Variants in AKR1C3 observed in about 807,000 individuals in gnomAD.
The protein encoded by AKR1C3 is aldo-keto reductase family 1 member C3.
AKR1C3 carries 48 observed loss-of-function variants against 43.6 expected under a neutral mutation model. The ratio of observed to expected loss-of-function variants is 1.10; its 90% CI spans 0.87 to 1.40. The LOEUF (loss-of-function observed/expected upper bound fraction) is 1.40. Ranked by LOEUF, AKR1C3 falls within the 40% of genes most tolerant of loss-of-function variation. The pLI, the probability that AKR1C3 is intolerant of heterozygous loss-of-function variation, is 0.00. For synonymous variants in AKR1C3, 162 were observed against 139.6 expected, an observed-to-expected ratio of 1.16 and a Z score of -1.13; for missense variants, 482 against 391.2, an observed-to-expected ratio of 1.23 and a Z score of -1.96.
chr10:5,069,090 CTT>C (rs1198524723), intron 1 of AKR1C3, among the ~76,000 whole-genome samples: 1 of 149,008 alleles, frequency 6.7e-6, no homozygotes, highest in Non-Finnish European at 1.5e-5. Flanking sequence ...GATTTAAGCT[CTT>C]ATATTATTAT....
intron 8 of AKR1C3, 109 bp downstream of exon 8, chr10:5,105,786 G>A: frequency 1.2e-6 from 1 of 806,452 alleles, no homozygotes; most frequent in Non-Finnish European, 2.1e-6. Context: ...ATGTGAGTCA[G>A]AGGTGAGACT....
chr10:5,085,718 G>A (rs535144510), intron 1 of AKR1C3, among the ~76,000 whole-genome samples: 1 of 151,902 alleles, frequency 6.6e-6, no homozygotes, highest in South Asian at 2.1e-4. Context: ...ACTTTTTTTG[G>A]TTGGTAAGCT....
exon 1 of AKR1C3, chr10:5,048,863 G>C: frequency 6.2e-7 from 1 of 1,613,962 alleles, no homozygotes; most frequent in South Asian, 1.1e-5. Flanking sequence ...CTTCATGCCT[G>C]TCCTGGGATT....
At position 5,107,588 on chromosome 10, in the gene AKR1C3, T is replaced by G; in HGVS notation, c.*85T>G. On this transcript the variant is annotated 3_prime_UTR_variant, in exon 9 of 9. Transcript: ENST00000380554. ...ACGTCTCTATGCCGGTGACTGGACATATCACCTCTACTTAAATCCGTCCTG... is the reference window on the plus strand; with the variant it reads ...ACGTCTCTATGCCGGTGACTGGACAGATCACCTCTACTTAAATCCGTCCTG... The G allele has an allele frequency of 1.9e-6, 2 of 1,076,546 alleles. No individual in the cohort carries two copies. Among genetic ancestry groups the G allele is most frequent in the South Asian group, 2.7e-5 (2 of 74,356 alleles). 66.7% of individuals were successfully genotyped at this position (1,076,546 alleles called of 1,614,324 possible). A position where few individuals can be genotyped will look rare whatever the true frequency, so the allele number is the denominator to read the frequency against.
chr10:5,061,502 C>T (rs1327134048), intron 1 of AKR1C3, among the ~76,000 whole-genome samples: 1 of 152,120 alleles, frequency 6.6e-6, no homozygotes, highest in East Asian at 1.9e-4. Flanking sequence ...GAAATGATTA[C>T]AGGTCAGATA....
At chr10:5,050,042 AT>A (rs34433879) in intron 1 of AKR1C3, among the ~76,000 whole-genome samples, 85,875 of 151,528 alleles carry the variant, frequency 0.57, 25,272 homozygotes, top group East Asian at 0.79. Context: ...TGTTTCCAAA[AT>A]TTGTGCTTAT....
intron 1 of AKR1C3, among the ~76,000 whole-genome samples, chr10:5,075,576 G>A (rs1170476589): frequency 7.9e-5 from 12 of 152,072 alleles, no homozygotes; most frequent in African/African-American, 2.9e-4. Context: ...GTGGAAAAAA[G>A]CCATTTGTCA....
At chr10:5,086,644 T>C (rs1334834440) in intron 1 of AKR1C3, among the ~76,000 whole-genome samples, 2 of 152,064 alleles carry the variant, frequency 1.3e-5, no homozygotes, top group Non-Finnish European at 2.9e-5. Context: ...TAACTTTCTG[T>C]CTCGTTGATC....
chr10:5,063,765 C>CAAAA (rs71391987), intron 1 of AKR1C3, among the ~76,000 whole-genome samples: 2,870 of 45,684 alleles, frequency 0.063, 327 homozygotes, highest in East Asian at 0.098. Flanking sequence ...TCTGTCTCAG[C>CAAAA]AAAAAAAAAA....
intron 1 of AKR1C3, among the ~76,000 whole-genome samples, chr10:5,085,071 C>T (rs1838932917): frequency 6.6e-6 from 1 of 152,072 alleles, no homozygotes. Flanking sequence ...CCCTTTATTT[C>T]CTTCTCCTGC....
chr10:5,103,629 A>T (rs1198688232), intron 7 of AKR1C3, among the ~76,000 whole-genome samples: 2 of 152,124 alleles, frequency 1.3e-5, no homozygotes, highest in Non-Finnish European at 2.9e-5. Flanking sequence ...CATATAGTTC[A>T]TCCTGCAGCC....
intron 1 of AKR1C3, among the ~76,000 whole-genome samples, chr10:5,063,650 A>G (rs1380688215): frequency 1.3e-5 from 2 of 150,088 alleles, no homozygotes; most frequent in African/African-American, 4.9e-5. Context: ...AGCCAGGTGT[A>G]GTGGTGCAAG....
In AKR1C3 at chr10:5,102,532, C is replaced by T. The variant is rs782608530; in HGVS notation, c.728C>T (p.Ala243Val). ...CTCTTGGAGGACCCAGTCCTTTGTG[C>T]CTTGGCAAAAAAGCACAAGCGAACC... ...PVLLEDPVLC[A>V]LAKKHKRTPA... Residue 243 changes from alanine (A) to valine (V), a missense_variant, in exon 7 of 9, where the codon GCC (alanine) becomes GTC (valine). By Grantham distance (64) the Ala-to-Val change is moderately conservative. Transcript: ENST00000380554. The T allele has an allele frequency of 1.3e-6, 2 of 1,575,242 alleles. No individual in the cohort carries two copies. Among genetic ancestry groups the T allele is most frequent in the Admixed American group, 3.5e-5 (2 of 56,510 alleles).
chr10:5,063,778 A>AAAAAAAAAAAAAAAAAAG (rs1554780508), intron 1 of AKR1C3, among the ~76,000 whole-genome samples: 2 of 146,224 alleles, frequency 1.4e-5, no homozygotes, highest in African/African-American at 2.5e-5. Context: ...AAAAAAAAAA[A>AAAAAAAAAAAAAAAAAAG]AAAAAAAAAA....
intron 1 of AKR1C3, among the ~76,000 whole-genome samples, chr10:5,084,252 T>C (rs1554782716): frequency 6.6e-6 from 1 of 151,814 alleles, no homozygotes. Flanking sequence ...TTGATTTTTG[T>C]ATAAGGTGTA....
In AKR1C3 at chr10:5,102,524, C is replaced by T. The variant is rs544284218; in HGVS notation, c.720C>T (p.Val240=). Residue 240 remains valine (V), a synonymous_variant, in exon 7 of 9, where the codon GTC becomes GTT. Coordinates refer to ENST00000380554, the MANE Select transcript of AKR1C3 (RefSeq NM_003739.6). ...CCCCGGTGCTCTTGGAGGACCCAGT[C>T]CTTTGTGCCTTGGCAAAAAAGCACA... ...PNSPVLLEDP[V]LCALAKKHKR... 1 of 1,574,610 alleles carries T rather than the reference C, an allele frequency of 6.4e-7. No individual in the cohort carries two copies. The highest frequency in any genetic ancestry group is 1.4e-5 in the African/African-American group (1 of 73,716).
Position 5,098,890 on chromosome 10 carries a change from G to A in AKR1C3, c.447+11G>A. The A allele has an allele frequency of 6.2e-7, 1 of 1,602,174 alleles. No individual in the cohort carries two copies. The highest frequency in any genetic ancestry group is 8.5e-7 in the Non-Finnish European group (1 of 1,173,220). On this transcript the variant is annotated intron_variant, in intron 4 of 8. Transcript: ENST00000380554. ...TGTACCACCTGGGAGGTGAGTGCTT[G>A]GCGGAGAGGACACAGAGAAGGATGA...
rs139769836 is a variant in AKR1C3 at position 5,065,346 on chromosome 10, A to C, written c.84+16451A>C. 6.2e-4 allele frequency among the ~76,000 whole-genome samples: 94 copies of C among 152,330 alleles called. 1 individual carries two copies. The East Asian group carries it at 0.012, about 20-fold the overall frequency. ...ACTGTTCACAATAGCATAGTCATGG[A>C]ATCAAATTAAATGCCTGTCAACACC... On this transcript the variant is annotated intron_variant, in intron 1 of 8. Coordinates refer to the AKR1C3 transcript ENST00000439082.
At chr10:5,075,562 T>A (rs1335683505) in intron 1 of AKR1C3, among the ~76,000 whole-genome samples, 2 of 152,004 alleles carry the variant, frequency 1.3e-5, no homozygotes, top group East Asian at 3.9e-4. Context: ...AGGGAATTTG[T>A]CATGTGGAAA....
Sources: gnomAD v4.1 joint callset for allele counts (sites outside exome capture counted in the v4.1 genomes callset) on GRCh38, gnomAD v4.1.1 for gene constraint, MANE v1.5 for transcripts, NCBI Gene and HGNC (gene_info 2026-07-23, HGNC 2026-07-21) for gene names.